The following PELI2 variants were observed in gnomAD, a reference collection of about 807,000 sequenced individuals.
PELI2 encodes pellino E3 ubiquitin protein ligase family member 2, also known as E3 ubiquitin-protein ligase pellino homolog 2.
In PELI2, 23 loss-of-function variants were observed where a neutral mutation model predicts 42.3. That is an observed-to-expected ratio of 0.54 (90% CI 0.39 to 0.77). The LOEUF is 0.77. Among genes scored for constraint, PELI2 ranks in the 30% least tolerant of loss-of-function variants. The probability of loss-of-function intolerance (pLI) is 0.00; values close to 1 mark genes in which losing one functional copy is unlikely to be tolerated. For missense variants in PELI2, 463 were observed against 553.2 expected (o/e 0.84, Z 1.64); for synonymous variants, 245 against 212.2 (o/e 1.15, Z -1.34).
intron 5 of PELI2, among the ~76,000 whole-genome samples, chr14:56,294,728 T>G (rs963033151): frequency 6.6e-6 from 1 of 152,166 alleles, no homozygotes; most frequent in Non-Finnish European, 1.5e-5. Flanking sequence ...CTGATCTGTC[T>G]CCAACGCTGC....
intron 1 of PELI2, among the ~76,000 whole-genome samples, chr14:56,159,808 T>C (rs1884690737): frequency 6.6e-6 from 1 of 152,196 alleles, no homozygotes; most frequent in Non-Finnish European, 1.5e-5. Flanking sequence ...CCCAGTACTT[T>C]GCCCACCTTC....
chr14:56,147,627 A>G (rs532701823), intron 1 of PELI2, among the ~76,000 whole-genome samples: 6 of 152,180 alleles, frequency 3.9e-5, no homozygotes, highest in Admixed American at 6.5e-5. Context: ...TATGTGAACT[A>G]TTTGTTGATC....
At chr14:56,270,648 A>C (rs1225746619) in intron 2 of PELI2, among the ~76,000 whole-genome samples, 5 of 152,232 alleles carry the variant, frequency 3.3e-5, no homozygotes, top group Non-Finnish European at 5.9e-5. Flanking sequence ...ACTGCAGGGA[A>C]CTGCTCTAAA....
intron 2 of PELI2, among the ~76,000 whole-genome samples, chr14:56,248,949 A>G (rs924898110): frequency 6.6e-6 from 1 of 152,132 alleles, no homozygotes; most frequent in Non-Finnish European, 1.5e-5. Flanking sequence ...GTCATTTCAA[A>G]AAGTAAAATG....
intron 1 of PELI2, among the ~76,000 whole-genome samples, chr14:56,130,835 C>T (rs1333938775): frequency 2.0e-5 from 3 of 152,138 alleles, no homozygotes; most frequent in Admixed American, 6.5e-5. Flanking sequence ...TCAAGATGAT[C>T]CATTTTGTTC....
At chr14:56,287,201 A>G (rs373500179) in intron 3 of PELI2, among the ~76,000 whole-genome samples, 5 of 152,330 alleles carry the variant, frequency 3.3e-5, no homozygotes, top group African/African-American at 1.2e-4. Context: ...TGACTGGGAA[A>G]TTCTAGAATT....
intron 2 of PELI2, among the ~76,000 whole-genome samples, chr14:56,249,391 A>G (rs1228586571): frequency 6.6e-6 from 1 of 152,136 alleles, no homozygotes; most frequent in Non-Finnish European, 1.5e-5. Context: ...GTTTGTTAAC[A>G]TCAGTGTGAA....
intron 3 of PELI2, among the ~76,000 whole-genome samples, chr14:56,285,555 G>A (rs1040526975): frequency 1.3e-5 from 2 of 151,920 alleles, no homozygotes; most frequent in East Asian, 3.9e-4. Context: ...AGGGAAGGGG[G>A]GACTATTTAC....
chr14:56,217,543 C>G (rs1886952002), intron 2 of PELI2, among the ~76,000 whole-genome samples: 1 of 152,176 alleles, frequency 6.6e-6, no homozygotes, highest in South Asian at 2.1e-4. Flanking sequence ...GACAGCCAAG[C>G]CTGGGTCATT....
intron 2 of PELI2, among the ~76,000 whole-genome samples, chr14:56,242,379 GGAGGA>G (rs982507632): frequency 4.6e-4 from 70 of 152,290 alleles, no homozygotes; most frequent in African/African-American, 1.6e-3. Context: ...GCAGCTTGGG[GGAGGA>G]GAGTCTGTGT....
chr14:56,144,844 A>G (rs1884054198), intron 1 of PELI2: 3 of 324,538 alleles, frequency 9.2e-6, no homozygotes, highest in Non-Finnish European at 1.3e-5. Context: ...CTGTAATCTC[A>G]GCACTTAGTA....
intron 2 of PELI2, among the ~76,000 whole-genome samples, chr14:56,215,335 A>G (rs1368921457): frequency 6.6e-6 from 1 of 152,190 alleles, no homozygotes; most frequent in African/African-American, 2.4e-5. Flanking sequence ...ACAACCCTAT[A>G]CTGTTGCTGT....
chr14:56,129,659 G>T (rs1883407053), intron 1 of PELI2, among the ~76,000 whole-genome samples: 2 of 152,180 alleles, frequency 1.3e-5, no homozygotes, highest in Non-Finnish European at 1.5e-5. Flanking sequence ...CCAGCTAGGG[G>T]ATCGCCCTCA....
At chr14:56,245,789 TGTA>T (rs1888130788) in intron 2 of PELI2, among the ~76,000 whole-genome samples, 1 of 152,250 alleles carries the variant, frequency 6.6e-6, no homozygotes, top group Non-Finnish European at 1.5e-5. Flanking sequence ...AATTTTGTAT[TGTA>T]TATCAATAAG....
chr14:56,295,644 T>A (rs564100763), intron 5 of PELI2, among the ~76,000 whole-genome samples: 2 of 152,236 alleles, frequency 1.3e-5, no homozygotes, highest in Non-Finnish European at 2.9e-5. Context: ...TTGCATTTAC[T>A]TATCTAACAC....
intron 2 of PELI2, among the ~76,000 whole-genome samples, chr14:56,189,001 A>G (rs1885867541): frequency 6.6e-6 from 1 of 152,146 alleles, no homozygotes; most frequent in Non-Finnish European, 1.5e-5. Context: ...CTCTACTAAA[A>G]ATAGAAAAAT....
chr14:56,126,712 C>G (rs2139580246), intron 1 of PELI2, among the ~76,000 whole-genome samples: 1 of 152,188 alleles, frequency 6.6e-6, no homozygotes, highest in South Asian at 2.1e-4. Context: ...AGCAATTAGG[C>G]TTTTCTGGAC....
At chr14:56,250,607 G>A (rs1159723621) in intron 2 of PELI2, among the ~76,000 whole-genome samples, 1 of 152,132 alleles carries the variant, frequency 6.6e-6, no homozygotes, top group African/African-American at 2.4e-5. Flanking sequence ...ATGTTCGAGG[G>A]CAGGAAGCAT....
At chr14:56,187,904 G>A (rs919836744) in intron 2 of PELI2, among the ~76,000 whole-genome samples, 3 of 152,210 alleles carry the variant, frequency 2.0e-5, no homozygotes, top group African/African-American at 2.4e-5. Context: ...CAGGATCGCC[G>A]TGCTCTTCTC....
Sources: allele counts gnomAD v4.1 joint callset (sites outside exome capture counted in the v4.1 genomes callset), GRCh38; gene constraint gnomAD v4.1.1; transcripts MANE v1.5; gene names NCBI Gene and HGNC (gene_info 2026-07-23, HGNC 2026-07-21).